The following SMIM35 variants were observed in gnomAD, a reference collection of about 807,000 sequenced individuals.
SMIM35 encodes the protein TMPRSS4 antisense RNA 1 (non-protein coding).
intron 1 of SMIM35, among the ~76,000 whole-genome samples, chr11:118,053,666 C>T (rs770758029): frequency 3.3e-5 from 5 of 152,292 alleles, no homozygotes; most frequent in Non-Finnish European, 7.4e-5. Context: ...CTCTTTAATT[C>T]CCTAAAGCAA....
intron 1 of SMIM35, among the ~76,000 whole-genome samples, chr11:118,051,197 G>C (rs1204102901): frequency 6.6e-6 from 1 of 152,214 alleles, no homozygotes; most frequent in Non-Finnish European, 1.5e-5. Flanking sequence ...TACAGACGAT[G>C]CTATGCCTTG....
chr11:118,068,414 C>T (rs912919758), intron 1 of SMIM35, among the ~76,000 whole-genome samples: 1 of 152,162 alleles, frequency 6.6e-6, no homozygotes, highest in Non-Finnish European at 1.5e-5. Context: ...GTCTCCCTCC[C>T]GGCCTGTGAA....
chr11:118,010,781 G>C (rs2058146014), intron 4 of SMIM35, among the ~76,000 whole-genome samples: 1 of 152,216 alleles, frequency 6.6e-6, no homozygotes, highest in Non-Finnish European at 1.5e-5. Context: ...GGGGAACCCG[G>C]ACCAGCCAGC....
chr11:118,021,451 T>G (rs1380095155), intron 1 of SMIM35, among the ~76,000 whole-genome samples: 2 of 152,286 alleles, frequency 1.3e-5, no homozygotes, highest in African/African-American at 4.8e-5. Context: ...CTTAATTCTT[T>G]TTATAATTTC....
intron 1 of SMIM35, among the ~76,000 whole-genome samples, chr11:118,024,634 G>A (rs1251488683): frequency 6.6e-6 from 1 of 152,052 alleles, no homozygotes; most frequent in Non-Finnish European, 1.5e-5. Flanking sequence ...CACCATGCCT[G>A]GCTAATTTTT....
At chr11:118,077,200 C>A in intron 1 of SMIM35, 1 of 1,488,810 alleles carries the variant, frequency 6.7e-7, no homozygotes, top group Non-Finnish European at 9.1e-7. Context: ...GGACTTCTGA[C>A]CTGCTGGCCA....
rs191494888 is a variant in SMIM35 at position 118,004,501 on chromosome 11, G to A, written c.*1909C>T. ...GAGACAGAGGTGTGGAGGGAGAGGG[G>A]AGATGATGAGTTCTGGCTTAATAAT... On this transcript the variant is annotated 3_prime_UTR_variant, in exon 5 of 5. Transcript: ENST00000689828. 2.0e-5 allele frequency: 3 copies of A among 152,224 alleles called. No individual in the cohort carries two copies. The highest frequency in any genetic ancestry group is 4.4e-5 in the Non-Finnish European group (3 of 68,048). 9.4% of individuals were successfully genotyped at this position (152,224 alleles called of 1,614,324 possible).
At chr11:118,042,270 T>C (rs1944017726) in intron 1 of SMIM35, among the ~76,000 whole-genome samples, 1 of 150,726 alleles carries the variant, frequency 6.6e-6, no homozygotes, top group Admixed American at 6.6e-5. Context: ...GAATCAGAAA[T>C]GAAAGAGGGG....
At chr11:118,070,222 GC>G (rs1483185904) in intron 1 of SMIM35, among the ~76,000 whole-genome samples, 3 of 151,990 alleles carry the variant, frequency 2.0e-5, no homozygotes, top group African/African-American at 7.3e-5. Context: ...CATTGCCCAG[GC>G]TGGAGTGCAA....
chr11:118,051,854 TAATACTAATAC>T (rs1465788183), intron 1 of SMIM35, among the ~76,000 whole-genome samples: 49 of 150,858 alleles, frequency 3.2e-4, no homozygotes, highest in African/African-American at 1.2e-3. Flanking sequence ...ATACTAATAC[TAATACTAATAC>T]TATACTAATA....
chr11:118,035,167 T>A (rs1169172997), intron 1 of SMIM35, among the ~76,000 whole-genome samples: 2 of 151,904 alleles, frequency 1.3e-5, no homozygotes, highest in African/African-American at 2.4e-5. Flanking sequence ...GACCAGGCTG[T>A]TTTTGAACTC....
At chr11:118,074,983 C>T (rs993589016) in intron 1 of SMIM35, among the ~76,000 whole-genome samples, 3 of 152,202 alleles carry the variant, frequency 2.0e-5, no homozygotes, top group Non-Finnish European at 4.4e-5. Flanking sequence ...AGTCATCATC[C>T]CTCCAACCAG....
chr11:118,053,527 T>A (rs1231308496), intron 1 of SMIM35, among the ~76,000 whole-genome samples: 1 of 152,166 alleles, frequency 6.6e-6, no homozygotes, highest in Non-Finnish European at 1.5e-5. Flanking sequence ...GGATTCCTTA[T>A]TCAACTCCTC....
chr11:118,019,346 C>T (rs1468059228), intron 1 of SMIM35, among the ~76,000 whole-genome samples: 1 of 152,140 alleles, frequency 6.6e-6, no homozygotes, highest in Non-Finnish European at 1.5e-5. Flanking sequence ...TCTAGGATTG[C>T]CTGGCTTATT....
intron 1 of SMIM35, among the ~76,000 whole-genome samples, chr11:118,040,725 A>C (rs1046712530): frequency 2.0e-5 from 3 of 152,200 alleles, no homozygotes; most frequent in Admixed American, 6.5e-5. Context: ...TGATTTAAAA[A>C]GCAATCATAC....
chr11:118,041,808 T>C (rs1944005071), intron 1 of SMIM35, among the ~76,000 whole-genome samples: 1 of 152,034 alleles, frequency 6.6e-6, no homozygotes, highest in Non-Finnish European at 1.5e-5. Context: ...CCCAGCACTT[T>C]GGGAGGCCGA....
At chr11:118,014,199 A>G (rs2058165059) in intron 3 of SMIM35, among the ~76,000 whole-genome samples, 2 of 152,210 alleles carry the variant, frequency 1.3e-5, no homozygotes, top group South Asian at 4.1e-4. Context: ...AGAGACATGA[A>G]ATGCTTGAAG....
At chr11:118,016,007 G>T (rs545271760) in intron 1 of SMIM35, among the ~76,000 whole-genome samples, 198 bp from the exon 2 acceptor site, 1 of 152,220 alleles carries the variant, frequency 6.6e-6, no homozygotes, top group African/African-American at 2.4e-5. Context: ...TGAGCCTATC[G>T]GTATTTGGAG....
chr11:118,070,287 C>T (rs1436372777), intron 1 of SMIM35, among the ~76,000 whole-genome samples: 7 of 152,304 alleles, frequency 4.6e-5, no homozygotes, highest in Admixed American at 2.6e-4. Context: ...AGTGATTCTC[C>T]TGCCTCGGGC....
Sources: gnomAD v4.1 joint callset for allele counts (sites outside exome capture counted in the v4.1 genomes callset) on GRCh38, gnomAD v4.1.1 for gene constraint, MANE v1.5 for transcripts, NCBI Gene and HGNC (gene_info 2026-07-23, HGNC 2026-07-21) for gene names.